Variants in GALNT13 observed in about 807,000 individuals in gnomAD.
GALNT13 encodes the protein UDP-GalNAc:polypeptide N-acetylgalactosaminyltransferase 13.
Under a neutral mutation model 64.2 loss-of-function variants are expected in GALNT13, and 28 were observed. That is an observed-to-expected ratio of 0.44 (90% CI 0.32 to 0.60). The LOEUF (loss-of-function observed/expected upper bound fraction) is 0.60, where lower values mean the gene tolerates loss of function less well. GALNT13 is among the 20% of genes least tolerant of loss of function. GALNT13 has a pLI of 0.05. For missense variants in GALNT13, 577 were observed against 669.8 expected, an observed-to-expected ratio of 0.86 and a Z score of 1.53; for synonymous variants, 214 against 224.6, an observed-to-expected ratio of 0.95 and a Z score of 0.42.
At chr2:153,419,430 G>C in the GALNT13 span, among the ~76,000 whole-genome samples, 2 of 152,136 alleles carry the variant, frequency 1.3e-5, no homozygotes, top group African/African-American at 4.8e-5. Flanking sequence ...ACTGAAAAAG[G>C]CCAGTCTCAA....
intron 9 of GALNT13, among the ~76,000 whole-genome samples, chr2:154,322,633 ACT>A (rs1287811834): frequency 2.6e-5 from 4 of 151,778 alleles, no homozygotes; most frequent in African/African-American, 4.8e-5. Context: ...TTAATCCCTG[ACT>A]CTGTCTTCAA....
intron 9 of GALNT13, among the ~76,000 whole-genome samples, chr2:154,312,571 T>G (rs1222246950): frequency 6.6e-6 from 1 of 152,228 alleles, no homozygotes; most frequent in African/African-American, 2.4e-5. Context: ...GTGTGGTAAT[T>G]TGATCGATAT....
chr2:153,072,232 A>G, the GALNT13 span, among the ~76,000 whole-genome samples: 1 of 152,144 alleles, frequency 6.6e-6, no homozygotes, highest in Admixed American at 6.5e-5. Flanking sequence ...GGCTTTGTGT[A>G]AGGGCCAAAA....
chr2:153,340,405 C>T, the GALNT13 span, among the ~76,000 whole-genome samples: 4 of 149,908 alleles, frequency 2.7e-5, no homozygotes, highest in African/African-American at 4.9e-5. Context: ...GCCTGTAATC[C>T]CAGCACTTTG....
chr2:153,455,358 G>T, the GALNT13 span, among the ~76,000 whole-genome samples: 1 of 152,228 alleles, frequency 6.6e-6, no homozygotes, highest in Non-Finnish European at 1.5e-5. Context: ...CCCTCTGTGG[G>T]ACTTGCCCCA....
chr2:154,388,869 A>G (rs535957215), intron 9 of GALNT13, among the ~76,000 whole-genome samples: 37 of 152,288 alleles, frequency 2.4e-4, no homozygotes, highest in Non-Finnish European at 1.2e-4. Context: ...TGTAATGTGA[A>G]TATATATCAT....
intron 9 of GALNT13, among the ~76,000 whole-genome samples, chr2:154,331,877 G>A (rs1360023796): frequency 3.9e-5 from 6 of 151,958 alleles, no homozygotes; most frequent in Non-Finnish European, 8.8e-5. Context: ...AACTGTAAAT[G>A]TGTTATTTGT....
the GALNT13 span, among the ~76,000 whole-genome samples, chr2:153,562,396 C>A: frequency 6.6e-6 from 1 of 151,954 alleles, no homozygotes; most frequent in African/African-American, 2.4e-5. Context: ...TCACTTACAC[C>A]AAATCACACC....
intron 1 of GALNT13, among the ~76,000 whole-genome samples, chr2:153,899,940 T>A (rs866994885): frequency 4.8e-3 from 586 of 121,544 alleles, no homozygotes; most frequent in African/African-American, 0.016. Context: ...TATATATTTT[T>A]TTTTTTTTTT....
chr2:153,702,482 A>T, the GALNT13 span, among the ~76,000 whole-genome samples: 1 of 152,080 alleles, frequency 6.6e-6, no homozygotes. Context: ...AAATAAATAA[A>T]AAATAAGAGC....
chr2:153,591,317 C>T, the GALNT13 span, among the ~76,000 whole-genome samples: 3 of 151,836 alleles, frequency 2.0e-5, no homozygotes, highest in Non-Finnish European at 1.5e-5. Flanking sequence ...TGACACAAAT[C>T]GAAAAACATC....
At chr2:154,031,824 A>G (rs1196338189) in intron 3 of GALNT13, among the ~76,000 whole-genome samples, 4 of 151,980 alleles carry the variant, frequency 2.6e-5, no homozygotes, top group Admixed American at 6.6e-5. Flanking sequence ...GGAAGGCTGT[A>G]ACAGTCCTTT....
chr2:154,100,067 CTG>C (rs1178323455), intron 3 of GALNT13, among the ~76,000 whole-genome samples: 1 of 152,088 alleles, frequency 6.6e-6, no homozygotes, highest in Non-Finnish European at 1.5e-5. Flanking sequence ...TCATTGATCT[CTG>C]TCTCTTTTTG....
chr2:153,262,793 A>T, the GALNT13 span, among the ~76,000 whole-genome samples: 1 of 152,194 alleles, frequency 6.6e-6, no homozygotes, highest in Non-Finnish European at 1.5e-5. Context: ...TATTAAAAGA[A>T]CATACCTCAA....
intron 2 of GALNT13, among the ~76,000 whole-genome samples, chr2:153,921,935 G>T (rs895414678): frequency 6.6e-6 from 1 of 151,772 alleles, no homozygotes; most frequent in African/African-American, 2.4e-5. Context: ...AATATAATAA[G>T]GATAAACATA....
intron 2 of GALNT13, among the ~76,000 whole-genome samples, chr2:153,928,767 A>G (rs1690318632): frequency 6.6e-6 from 1 of 152,146 alleles, no homozygotes; most frequent in South Asian, 2.1e-4. Context: ...TTCCTTTTAA[A>G]GTCCCAATAT....
the GALNT13 span, among the ~76,000 whole-genome samples, chr2:153,675,541 T>C: frequency 6.6e-6 from 1 of 152,078 alleles, no homozygotes; most frequent in East Asian, 1.9e-4. Flanking sequence ...CCGGGGCCTG[T>C]TGGCAGGTGG....
intron 2 of GALNT13, among the ~76,000 whole-genome samples, chr2:153,903,700 G>T (rs1021072461): frequency 1.4e-5 from 2 of 142,766 alleles, no homozygotes; most frequent in African/African-American, 2.4e-5. Flanking sequence ...TTAAATAAAA[G>T]TTATGTTTAT....
chr2:153,510,202 T>C, the GALNT13 span, among the ~76,000 whole-genome samples: 1 of 152,336 alleles, frequency 6.6e-6, no homozygotes, highest in East Asian at 1.9e-4. Flanking sequence ...TCTGTCCCAA[T>C]TTCATCTCTC....
Sources: gnomAD v4.1 joint callset for allele counts (sites outside exome capture counted in the v4.1 genomes callset) on GRCh38, gnomAD v4.1.1 for gene constraint, MANE v1.5 for transcripts, NCBI Gene and HGNC (gene_info 2026-07-23, HGNC 2026-07-21) for gene names.